Variants in PPP3CA observed in about 807,000 individuals in gnomAD.
The protein encoded by PPP3CA is protein phosphatase 3 catalytic subunit alpha, also known as CAM-PRP catalytic subunit.
PPP3CA carries 14 observed loss-of-function variants against 66.5 expected under a neutral mutation model. The observed-to-expected ratio is 0.21, with a 90% confidence interval of 0.14 to 0.33. The LOEUF (loss-of-function observed/expected upper bound fraction) is 0.33, where lower values mean the gene tolerates loss of function less well. PPP3CA is among the 10% of genes least tolerant of loss of function. The probability of loss-of-function intolerance (pLI) is 1.00; values close to 1 mark genes in which losing one functional copy is unlikely to be tolerated. For synonymous variants in PPP3CA, 232 were observed against 226.2 expected (o/e 1.03, Z -0.23); for missense variants, 317 against 639.5 (o/e 0.50, Z 5.44).
intron 1 of PPP3CA, among the ~76,000 whole-genome samples, chr4:101,198,533 G>A (rs2659540): frequency 0.24 from 36,553 of 152,072 alleles, 6,816 homozygotes; most frequent in African/African-American, 0.5. Flanking sequence ...AGAATCACAG[G>A]AGCACAGAAG....
intron 2 of PPP3CA, among the ~76,000 whole-genome samples, chr4:101,131,565 T>C (rs1722440447): frequency 6.6e-6 from 1 of 151,996 alleles, no homozygotes; most frequent in Non-Finnish European, 1.5e-5. Context: ...ATCCTAAATA[T>C]ATATGCATCC....
At chr4:101,029,379 A>AAAGAAAAAC (rs1560568993) in intron 12 of PPP3CA, among the ~76,000 whole-genome samples, 184 bp from the exon 13 acceptor site, 1 of 148,274 alleles carries the variant, frequency 6.7e-6, no homozygotes, top group African/African-American at 2.6e-5. Context: ...AAAAGAAAAA[A>AAAGAAAAAC]AATGCCACAG....
At chr4:101,322,051 T>C (rs1247239549) in intron 1 of PPP3CA, among the ~76,000 whole-genome samples, 1 of 152,186 alleles carries the variant, frequency 6.6e-6, no homozygotes, top group African/African-American at 2.4e-5. Flanking sequence ...AATGAGCTCT[T>C]TTGAACATAT....
intron 1 of PPP3CA, among the ~76,000 whole-genome samples, chr4:101,213,087 GAGTT>G (rs1395076314): frequency 1.3e-5 from 2 of 152,066 alleles, no homozygotes; most frequent in African/African-American, 2.4e-5. Flanking sequence ...TTGACAAATT[GAGTT>G]AGTTCATGCA....
At chr4:101,255,460 C>T (rs1159037548) in intron 1 of PPP3CA, among the ~76,000 whole-genome samples, 3 of 151,836 alleles carry the variant, frequency 2.0e-5, no homozygotes, top group Non-Finnish European at 4.4e-5. Context: ...AAATTGTTCA[C>T]TAGCACTTAT....
chr4:101,263,600 T>A (rs1727075421), intron 1 of PPP3CA, among the ~76,000 whole-genome samples: 1 of 151,804 alleles, frequency 6.6e-6, no homozygotes, highest in Admixed American at 6.6e-5. Context: ...CTAGTGTTTT[T>A]TTTTTAATGT....
At chr4:101,226,063 T>A (rs1725772263) in intron 1 of PPP3CA, among the ~76,000 whole-genome samples, 1 of 151,778 alleles carries the variant, frequency 6.6e-6, no homozygotes, top group Non-Finnish European at 1.5e-5. Context: ...ATTAAAGTAA[T>A]ATTATTCTTC....
chr4:101,317,303 T>G (rs527397870), intron 1 of PPP3CA, among the ~76,000 whole-genome samples: 19 of 139,888 alleles, frequency 1.4e-4, no homozygotes, highest in African/African-American at 6.3e-4. Context: ...CACACTGCCC[T>G]AAATTTCTCC....
chr4:101,191,949 C>T (rs1724617879), intron 2 of PPP3CA, among the ~76,000 whole-genome samples: 1 of 152,154 alleles, frequency 6.6e-6, no homozygotes, highest in South Asian at 2.1e-4. Context: ...TAGCAGTTTG[C>T]CCAGCTGATG....
intron 13 of PPP3CA, among the ~76,000 whole-genome samples, chr4:101,026,903 C>A (rs1726680484): frequency 6.6e-6 from 1 of 152,068 alleles, no homozygotes; most frequent in Admixed American, 6.5e-5. Flanking sequence ...GAAAAAAATG[C>A]CTTTCACAAT....
chr4:101,103,033 A>T (rs375647667), intron 3 of PPP3CA, among the ~76,000 whole-genome samples: 38 of 152,304 alleles, frequency 2.5e-4, no homozygotes, highest in African/African-American at 9.1e-4. Context: ...TTTGCCACAG[A>T]CATAGCTTTC....
At chr4:101,181,523 C>T (rs999829114) in intron 2 of PPP3CA, among the ~76,000 whole-genome samples, 3 of 151,998 alleles carry the variant, frequency 2.0e-5, no homozygotes, top group Non-Finnish European at 4.4e-5. Context: ...GGAGGTTCCT[C>T]TGTTATGCGA....
intron 1 of PPP3CA, among the ~76,000 whole-genome samples, chr4:101,346,019 C>A (rs1278602356): frequency 6.6e-6 from 1 of 152,100 alleles, no homozygotes; most frequent in Non-Finnish European, 1.5e-5. Context: ...CGGGGGAAAT[C>A]CCGGGGCGGC....
chr4:101,134,754 A>G (rs753718459), intron 2 of PPP3CA, among the ~76,000 whole-genome samples: 1 of 152,240 alleles, frequency 6.6e-6, no homozygotes, highest in Non-Finnish European at 1.5e-5. Context: ...ATAATAAATC[A>G]TTCTACTATA....
Position 101,347,322 on chromosome 4 carries a change from G to C in PPP3CA, c.-526C>G, listed in dbSNP as rs1226765249. 3 of 199,122 alleles carry C rather than the reference G, an allele frequency of 1.5e-5. No homozygotes were observed. Among genetic ancestry groups the C allele is most frequent in the African/African-American group, 7.5e-5 (3 of 39,796 alleles). 12.3% of individuals were successfully genotyped at this position (199,122 alleles called of 1,614,324 possible). ...CCCCGGCGGCGGAGAGGCGGCCGCC[G>C]CTGCTGCCGCTGCTGCTGCCGCTGC... On this transcript the variant is annotated 5_prime_UTR_variant, in exon 1 of 14. Coordinates refer to ENST00000394854, the MANE Select transcript of PPP3CA (RefSeq NM_000944.5).
intron 2 of PPP3CA, among the ~76,000 whole-genome samples, chr4:101,119,500 TG>T (rs1422046847): frequency 2.0e-5 from 3 of 151,954 alleles, no homozygotes; most frequent in Admixed American, 1.3e-4. Context: ...ATGGATTTTT[TG>T]AAAAAACAAA....
At chr4:101,075,868 T>C (rs1729165921) in intron 8 of PPP3CA, among the ~76,000 whole-genome samples, 1 of 152,222 alleles carries the variant, frequency 6.6e-6, no homozygotes, top group Non-Finnish European at 1.5e-5. Context: ...ATTTATTTAA[T>C]GTCTATCATA....
chr4:101,165,922 C>A (rs907145347), intron 2 of PPP3CA, among the ~76,000 whole-genome samples: 6 of 152,120 alleles, frequency 3.9e-5, no homozygotes, highest in South Asian at 4.1e-4. Context: ...ATGGATGATA[C>A]AGCAATGGAA....
intron 5 of PPP3CA, among the ~76,000 whole-genome samples, chr4:101,096,961 T>TA (rs1341316611): frequency 6.6e-6 from 1 of 152,062 alleles, no homozygotes; most frequent in East Asian, 1.9e-4. Context: ...AAAAAACAAT[T>TA]AAATGGCAAT....
Sources: allele counts gnomAD v4.1 joint callset (sites outside exome capture counted in the v4.1 genomes callset), GRCh38; gene constraint gnomAD v4.1.1; transcripts MANE v1.5; gene names NCBI Gene and HGNC (gene_info 2026-07-23, HGNC 2026-07-21).